The following DNAJC8 variants were observed in gnomAD, a reference collection of about 807,000 sequenced individuals.
DNAJC8 encodes the protein dnaJ homolog subfamily C member 8.
In DNAJC8, 24 loss-of-function variants were observed where a neutral mutation model predicts 43.2. That is an observed-to-expected ratio of 0.56 (90% confidence interval 0.40 to 0.78). The LOEUF (loss-of-function observed/expected upper bound fraction) is 0.78, where lower values mean the gene tolerates loss of function less well. DNAJC8 is among the 30% of genes least tolerant of loss of function. The pLI is 0.00. For missense variants in DNAJC8, 207 were observed against 299.4 expected (o/e 0.69, Z 2.28); for synonymous variants, 83 against 98.0 (o/e 0.85, Z 0.90).
At chr1:28,209,755 C>A (rs1404777948) in intron 5 of DNAJC8, among the ~76,000 whole-genome samples, 1 of 152,020 alleles carries the variant, frequency 6.6e-6, no homozygotes, top group East Asian at 1.9e-4. Flanking sequence ...GAGGTAGGAG[C>A]AGTGTACCAG....
chr1:28,203,031 C>T (rs975001628), intron 8 of DNAJC8, among the ~76,000 whole-genome samples: 5 of 152,218 alleles, frequency 3.3e-5, no homozygotes, highest in Non-Finnish European at 7.3e-5. Context: ...TTCCACTGCA[C>T]CTTTCTGCTG....
Position 28,205,353 on chromosome 1 carries a change from C to T in DNAJC8, c.472-4G>A, listed in dbSNP as rs1646761743. 1 of 1,598,418 alleles carries T rather than the reference C, an allele frequency of 6.3e-7. No individual in the cohort carries two copies. The highest frequency in any genetic ancestry group is 1.1e-5 in the South Asian group (1 of 88,186). On this transcript the variant is annotated splice_region_variant and splice_polypyrimidine_tract_variant and intron_variant, in intron 6 of 8. Coordinates refer to ENST00000263697, the MANE Select transcript of DNAJC8 (RefSeq NM_014280.3). ...GTTTATATACAGCTTGTTTGAACTA[C>T]AGGAAAATCAAGAACAAAAGAAAAT... is the stretch of plus-strand genomic sequence containing the variant.
chr1:28,207,880 A>AC (rs1572060790), intron 6 of DNAJC8, among the ~76,000 whole-genome samples: 2 of 148,706 alleles, frequency 1.3e-5, no homozygotes, highest in South Asian at 2.3e-4. Flanking sequence ...ACATGATGAA[A>AC]CCCCGTCTCT....
chr1:28,214,275 G>A lies in DNAJC8; in HGVS notation c.237+665C>T, dbSNP rs368648859. Among the ~76,000 whole-genome samples, 143 of 152,034 alleles carry A rather than the reference G, an allele frequency of 9.4e-4. 1 individual carries two copies. Among genetic ancestry groups the A allele is most frequent in the African/African-American group, 3.1e-3 (128 of 41,470 alleles). On this transcript the variant is annotated intron_variant, in intron 3 of 8. Transcript: ENST00000263697. ...ACGGCCGGGTGCAGTGGCTCACACC[G>A]GTAATTCCTGCATTTTGGGGAGGCT...
chr1:28,202,681 C>T (rs868022820), intron 8 of DNAJC8, among the ~76,000 whole-genome samples: 8 of 149,778 alleles, frequency 5.3e-5, no homozygotes, highest in Non-Finnish European at 1.0e-4. Flanking sequence ...CCTGGGTTCA[C>T]ACCGTTCTCC....
intron 2 of DNAJC8, among the ~76,000 whole-genome samples, chr1:28,222,704 C>T (rs1275789961): frequency 6.6e-6 from 1 of 152,014 alleles, no homozygotes; most frequent in African/African-American, 2.4e-5. Context: ...TGTCAGAGCC[C>T]ACCTGGAACA....
chr1:28,215,046 G>T (rs1646841602), intron 2 of DNAJC8, 50 bp from the exon 3 acceptor site: 2 of 1,478,582 alleles, frequency 1.4e-6, no homozygotes, highest in South Asian at 1.2e-5. Flanking sequence ...TAAATTACAT[G>T]TATATTTAAG....
intron 2 of DNAJC8, among the ~76,000 whole-genome samples, chr1:28,228,348 C>CAA (rs78440134): frequency 0.058 from 4,341 of 74,350 alleles, 200 homozygotes; most frequent in African/African-American, 0.1. Flanking sequence ...GACTCCGTCT[C>CAA]AAAAAAAAAA....
In DNAJC8 at chr1:28,200,333, G is replaced by C; in HGVS notation, c.*915C>G. 1 of 367,266 alleles carries C rather than the reference G, an allele frequency of 2.7e-6. No individual in the cohort carries two copies. The highest frequency in any genetic ancestry group is 5.3e-6 in the Non-Finnish European group (1 of 187,318). 22.8% of individuals were successfully genotyped at this position (367,266 alleles called of 1,614,324 possible). A position where few individuals can be genotyped will look rare whatever the true frequency, so the allele number is the denominator to read the frequency against. On this transcript the variant is annotated 3_prime_UTR_variant, in exon 9 of 9. Transcript: ENST00000263697. ...ACAATCAGTATCTTCATTTTACACA[G>C]AAATAATAGGATATTGGCAATACCC...
At chr1:28,221,012 G>T (rs189340025) in intron 2 of DNAJC8, among the ~76,000 whole-genome samples, 4 of 151,756 alleles carry the variant, frequency 2.6e-5, no homozygotes, top group Non-Finnish European at 5.9e-5. Flanking sequence ...AACTCAAAAT[G>T]TAACAGCCAT....
chr1:28,227,085 AAAG>A (rs1218329050), intron 2 of DNAJC8, among the ~76,000 whole-genome samples: 3 of 147,912 alleles, frequency 2.0e-5, no homozygotes, highest in Admixed American at 1.4e-4. Context: ...AAAAAAAAAA[AAAG>A]AATTTCTCTC....
intron 2 of DNAJC8, among the ~76,000 whole-genome samples, chr1:28,217,817 G>T (rs1214003836): frequency 1.3e-5 from 2 of 151,896 alleles, no homozygotes; most frequent in Admixed American, 6.6e-5. Flanking sequence ...AACCCTGATT[G>T]ATTTCTTTTT....
chr1:28,232,781 C>T, intron 1 of DNAJC8, 140 bp downstream of exon 1: 1 of 839,732 alleles, frequency 1.2e-6, no homozygotes, highest in Non-Finnish European at 1.9e-6. Flanking sequence ...GCTCACACAC[C>T]CCCAGACCCC....
At chr1:28,210,272 C>T in intron 4 of DNAJC8, 2 of 585,570 alleles carry the variant, frequency 3.4e-6, no homozygotes, top group Non-Finnish European at 6.0e-6. Flanking sequence ...ATACTCAAGG[C>T]TAAATACACT....
At chr1:28,214,866 A>G (rs1646840178) in intron 3 of DNAJC8, 74 bp downstream of exon 3, 2 of 1,370,828 alleles carry the variant, frequency 1.5e-6, no homozygotes, top group Non-Finnish European at 2.0e-6. Context: ...TATCAAGTCA[A>G]TAATAGCAAG....
intron 2 of DNAJC8, among the ~76,000 whole-genome samples, chr1:28,224,632 C>A (rs184634585): frequency 3.3e-5 from 5 of 152,194 alleles, no homozygotes; most frequent in South Asian, 2.1e-4. Flanking sequence ...CCTGAAATCC[C>A]AGCACTTTTT....
At position 28,228,084 on chromosome 1, in the gene DNAJC8, C is replaced by T. The variant is rs1241474640; in HGVS notation, c.180+838G>A. Among the ~76,000 whole-genome samples the T allele has an allele frequency of 1.3e-5, 2 of 152,154 alleles. 1 individual carries two copies. The highest frequency in any genetic ancestry group is 4.1e-4 in the South Asian group (2 of 4,834). The stretch of plus-strand genomic sequence containing the variant: ...AAGAATCCTAGGCTGGGCGCAGTGG[C>T]TCACGCCTGTAATCCCAGCACTTTG... On this transcript the variant is annotated intron_variant, in intron 2 of 8. Transcript: ENST00000263697.
chr1:28,229,118 T>C (rs1337045954), intron 1 of DNAJC8, 95 bp from the exon 2 acceptor site: 1 of 1,038,224 alleles, frequency 9.6e-7, no homozygotes, highest in African/African-American at 1.6e-5. Flanking sequence ...AACAAACATT[T>C]ATTTGTGTGT....
intron 8 of DNAJC8, 62 bp downstream of exon 8, chr1:28,203,685 C>A: frequency 1.3e-6 from 2 of 1,512,726 alleles, no homozygotes; most frequent in Admixed American, 1.7e-5. Context: ...GTCCTGGGAG[C>A]GCCACAGGAA....
Sources: allele counts gnomAD v4.1 joint callset (sites outside exome capture counted in the v4.1 genomes callset), GRCh38; gene constraint gnomAD v4.1.1; transcripts MANE v1.5; gene names NCBI Gene and HGNC (gene_info 2026-07-23, HGNC 2026-07-21).